Variants in PRKN observed in about 807,000 individuals in gnomAD.
PRKN encodes the protein parkin RBR E3 ubiquitin protein ligase.
PRKN carries 56 observed loss-of-function variants against 59.5 expected under a neutral mutation model. That is an observed-to-expected ratio of 0.94 (90% confidence interval 0.76 to 1.18). The LOEUF (loss-of-function observed/expected upper bound fraction) is 1.18. Among genes scored for constraint, PRKN ranks in the 50% most tolerant of loss-of-function variants. PRKN has a pLI of 0.00. For missense variants in PRKN, 657 were observed against 596.4 expected, an observed-to-expected ratio of 1.10 and a Z score of -1.06; for synonymous variants, 250 against 222.1, an observed-to-expected ratio of 1.13 and a Z score of -1.12.
chr6:162,016,081 C>A (rs1335818359), intron 5 of PRKN, among the ~76,000 whole-genome samples: 1 of 151,922 alleles, frequency 6.6e-6, no homozygotes, highest in African/African-American at 2.4e-5. Context: ...TTATGAAAGT[C>A]AGTTTTATGT....
At chr6:162,146,881 C>T (rs189688942) in intron 4 of PRKN, among the ~76,000 whole-genome samples, 27 of 152,140 alleles carry the variant, frequency 1.8e-4, no homozygotes, top group Admixed American at 1.5e-3. Context: ...CAGGCATGGG[C>T]CACCACTTCT....
At chr6:162,389,579 T>A (rs1223796877) in intron 2 of PRKN, among the ~76,000 whole-genome samples, 1 of 152,224 alleles carries the variant, frequency 6.6e-6, no homozygotes, top group Non-Finnish European at 1.5e-5. Flanking sequence ...ATTTTAATCA[T>A]TTACCAATTT....
intron 2 of PRKN, among the ~76,000 whole-genome samples, chr6:162,389,020 A>C (rs1254084988): frequency 5.3e-5 from 8 of 151,446 alleles, no homozygotes; most frequent in African/African-American, 1.2e-4. Flanking sequence ...AAAAAAAAAA[A>C]AAAACAAAAA....
At chr6:162,217,234 T>C (rs887098742) in intron 3 of PRKN, among the ~76,000 whole-genome samples, 4 of 152,210 alleles carry the variant, frequency 2.6e-5, no homozygotes, top group African/African-American at 9.6e-5. Context: ...TCTCCTGATA[T>C]GCATGGTTTC....
At chr6:161,613,366 G>T (rs1000027905) in intron 7 of PRKN, among the ~76,000 whole-genome samples, 1 of 144,384 alleles carries the variant, frequency 6.9e-6, no homozygotes, top group Non-Finnish European at 1.5e-5. Context: ...GATGCGCAAA[G>T]ATTTTTTTTT....
intron 6 of PRKN, among the ~76,000 whole-genome samples, chr6:161,848,714 T>C (rs2128221986): frequency 6.6e-6 from 1 of 152,330 alleles, no homozygotes; most frequent in South Asian, 2.1e-4. Context: ...TAATAAATTA[T>C]TCATAAATAG....
intron 6 of PRKN, among the ~76,000 whole-genome samples, chr6:161,841,473 CT>C (rs1454625567): frequency 1.3e-4 from 20 of 152,074 alleles, no homozygotes; most frequent in African/African-American, 4.6e-4. Flanking sequence ...CCTCAGCCTC[CT>C]GAGTAGCTGG....
Position 161,437,890 on chromosome 6 carries a change from G to A in PRKN, c.1084-51013C>T, listed in dbSNP as rs149824766. On this transcript the variant is annotated intron_variant, in intron 9 of 11. Coordinates refer to ENST00000366898, the MANE Select transcript of PRKN (RefSeq NM_004562.3). ...AATAAATAATACCTTTCCCCAAATAGGAACACTAGTATATCTACCAAAGGC... is the reference window on the plus strand; with the variant it reads ...AATAAATAATACCTTTCCCCAAATAAGAACACTAGTATATCTACCAAAGGC... 4.4e-3 allele frequency among the ~76,000 whole-genome samples: 674 copies of A among 152,226 alleles called. 2 individuals are homozygous for A. Among genetic ancestry groups the A allele is most frequent in the Middle Eastern group, 0.034 (10 of 294 alleles).
intron 2 of PRKN, among the ~76,000 whole-genome samples, chr6:162,318,728 G>A (rs977982113): frequency 6.6e-6 from 1 of 151,898 alleles, no homozygotes; most frequent in Admixed American, 6.6e-5. Context: ...GCTTATTGGC[G>A]TGATTATGAA....
chr6:161,767,250 A>C lies in PRKN; in HGVS notation c.871+18522T>G, dbSNP rs568673546. 1.5e-3 allele frequency among the ~76,000 whole-genome samples: 228 copies of C among 152,324 alleles called. 1 individual carries two copies. Among genetic ancestry groups the C allele is most frequent in the African/African-American group, 5.1e-3 (213 of 41,570 alleles). ...CAGCATGGGCCGGGCACGGTGGCTC[A>C]TGCCTGTAATCCCAGCACTTTGGGA... On this transcript the variant is annotated intron_variant, in intron 7 of 11. Transcript: ENST00000366898.
chr6:161,717,558 T>C (rs976156976), intron 7 of PRKN, among the ~76,000 whole-genome samples: 17 of 152,120 alleles, frequency 1.1e-4, no homozygotes, highest in African/African-American at 3.9e-4. Context: ...AAGAAGCAGA[T>C]TGCGGAGATG....
chr6:161,908,152 A>G (rs551895295), intron 6 of PRKN, among the ~76,000 whole-genome samples: 1 of 152,272 alleles, frequency 6.6e-6, no homozygotes, highest in East Asian at 1.9e-4. Flanking sequence ...GAAACTCAAA[A>G]CTTGACATTT....
Position 161,592,367 on chromosome 6 carries a change from T to C in PRKN, c.872-22951A>G, listed in dbSNP as rs1168883612. 1.3e-5 allele frequency among the ~76,000 whole-genome samples: 2 copies of C among 152,190 alleles called. No individual in the cohort carries two copies. Among genetic ancestry groups the C allele is most frequent in the Non-Finnish European group, 2.9e-5 (2 of 68,022 alleles). ...AATGCATTAAGCCCATCTGTTAATT[T>C]TGATTAGTTTTAATATTCTCTTTAA... On this transcript the variant is annotated intron_variant, in intron 7 of 11. Coordinates refer to ENST00000366898, the MANE Select transcript of PRKN (RefSeq NM_004562.3). The surrounding 1 kb of genome is among the most constrained non-coding windows in gnomAD (Gnocchi z 4.8).
At chr6:162,325,925 T>A (rs1264104886) in intron 2 of PRKN, among the ~76,000 whole-genome samples, 1 of 152,148 alleles carries the variant, frequency 6.6e-6, no homozygotes, top group Non-Finnish European at 1.5e-5. Flanking sequence ...GCAATGGAGA[T>A]CTTTGCAAAC....
At chr6:162,685,429 T>C (rs1356600199) in intron 1 of PRKN, among the ~76,000 whole-genome samples, 1 of 152,042 alleles carries the variant, frequency 6.6e-6, no homozygotes, top group African/African-American at 2.4e-5. Flanking sequence ...TATATATAAC[T>C]ATTAATTTCA....
At chr6:161,431,671 G>A (rs1173104248) in intron 9 of PRKN, among the ~76,000 whole-genome samples, 1 of 150,824 alleles carries the variant, frequency 6.6e-6, no homozygotes, top group East Asian at 1.9e-4. Context: ...GGAGTGCAAT[G>A]GCGCGATCTT....
At chr6:161,351,634 T>C (rs1389659927) in intron 11 of PRKN, among the ~76,000 whole-genome samples, 1 of 152,180 alleles carries the variant, frequency 6.6e-6, no homozygotes, top group Non-Finnish European at 1.5e-5. Context: ...CAGCATATTA[T>C]TTTTAATAGG....
At position 161,546,865 on chromosome 6, in the gene PRKN, G is replaced by A. The variant is rs1562518120; in HGVS notation, c.1083+1989C>T. On this transcript the variant is annotated intron_variant, in intron 9 of 11. Coordinates refer to ENST00000366898, the MANE Select transcript of PRKN (RefSeq NM_004562.3). The surrounding 1 kb of genome is among the most constrained non-coding windows in gnomAD (Gnocchi z 4.4). ...CATGGGGACAAACAGCCTAAGACAAGGGCCATGTGGTGAGGAACTGTGGCC... is the reference window on the plus strand; with the variant it reads ...CATGGGGACAAACAGCCTAAGACAAAGGCCATGTGGTGAGGAACTGTGGCC... Among the ~76,000 whole-genome samples, 1 of 152,034 alleles carries A rather than the reference G, an allele frequency of 6.6e-6. No individual in the cohort carries two copies. Among genetic ancestry groups the A allele is most frequent in the Admixed American group, 6.6e-5 (1 of 15,258 alleles).
intron 9 of PRKN, among the ~76,000 whole-genome samples, chr6:161,531,110 G>A (rs897119584): frequency 3.5e-4 from 54 of 152,188 alleles, no homozygotes; most frequent in African/African-American, 1.2e-3. Context: ...GGCCGGGCGC[G>A]GTGGCTCACG....
Sources: gnomAD v4.1 joint callset for allele counts (sites outside exome capture counted in the v4.1 genomes callset) on GRCh38, gnomAD v4.1.1 for gene constraint, Gnocchi (gnomAD v3.1) non-coding constraint, MANE v1.5 for transcripts, NCBI Gene and HGNC (gene_info 2026-07-23, HGNC 2026-07-21) for gene names.